The following GPATCH2L variants were observed in gnomAD, a reference collection of about 807,000 sequenced individuals.
GPATCH2L encodes G patch domain-containing protein 2-like.
GPATCH2L carries 31 observed loss-of-function variants against 57.4 expected under a neutral mutation model. That is an observed-to-expected ratio of 0.54 (90% CI 0.41 to 0.73). The LOEUF (loss-of-function observed/expected upper bound fraction) is 0.73. Among genes scored for constraint, GPATCH2L ranks in the 30% least tolerant of loss-of-function variants. The pLI, the probability that GPATCH2L is intolerant of heterozygous loss-of-function variation, is 0.00. For synonymous variants in GPATCH2L, 199 were observed against 210.7 expected (o/e 0.94, Z 0.48); for missense variants, 481 against 599.9 (o/e 0.80, Z 2.07).
intron 2 of GPATCH2L, among the ~76,000 whole-genome samples, chr14:76,160,001 G>T (rs1313752930): frequency 6.6e-6 from 1 of 152,130 alleles, no homozygotes; most frequent in Non-Finnish European, 1.5e-5. Context: ...TGGCGTGGTG[G>T]TGGACGCCTG....
chr14:76,151,945 G>A lies in GPATCH2L; in HGVS notation c.-57G>A, dbSNP rs918054723. On this transcript the variant is annotated 5_prime_UTR_variant, in exon 1 of 10. Transcript: ENST00000261530. ...TCAGAGAGGGAAGCCCCGGCGGTGAGAGTCGGCCCAAAAAGCGGCGGCCGT... is the reference window on the plus strand; with the variant it reads ...TCAGAGAGGGAAGCCCCGGCGGTGAAAGTCGGCCCAAAAAGCGGCGGCCGT... 2 of 154,048 alleles carry A rather than the reference G, an allele frequency of 1.3e-5. No individual in the cohort carries two copies. Among genetic ancestry groups the A allele is most frequent in the South Asian group, 2.0e-4 (1 of 4,882 alleles). The allele number at this position is 154,048 out of a possible 1,614,324, so 9.5% of individuals were successfully genotyped here.
In GPATCH2L at chr14:76,210,765, A is replaced by C. The variant is rs1248418757; in HGVS notation, c.*8914A>C. ...TAATGTTAGTGATAGACTGTTTTCA[A>C]CACCTTGGTAAACATTTCTTTTGAC... On this transcript the variant is annotated 3_prime_UTR_variant, in exon 10 of 10. Coordinates refer to ENST00000261530, the MANE Select transcript of GPATCH2L (RefSeq NM_017926.4). 1.3e-5 allele frequency: 2 copies of C among 152,190 alleles called. No individual in the cohort carries two copies. The highest frequency in any genetic ancestry group is 2.9e-5 in the Non-Finnish European group (2 of 68,036). 9.4% of individuals were successfully genotyped at this position (152,190 alleles called of 1,614,324 possible).
rs763500992 is a variant in GPATCH2L, at chr14:76,208,442, TCAG to T, written c.*6596_*6598del. 9.2e-5 allele frequency: 14 copies of T among 152,178 alleles called. No individual in the cohort carries two copies. Among genetic ancestry groups the T allele is most frequent in the Non-Finnish European group, 1.5e-4 (10 of 68,032 alleles). The allele number at this position is 152,178 out of a possible 1,614,324, so 9.4% of individuals were successfully genotyped here. On this transcript the variant is annotated 3_prime_UTR_variant, in exon 10 of 10. Coordinates refer to ENST00000261530, the MANE Select transcript of GPATCH2L (RefSeq NM_017926.4). ...ATTGATGTCAAACTCCCTCCTGTTG[TCAG>T]CAGCTTATTGCAAACTGGCCATTCT...
rs1220322453 is a variant in GPATCH2L at position 76,211,066 on chromosome 14, A to T, written c.*9215A>T. On this transcript the variant is annotated 3_prime_UTR_variant, in exon 10 of 10. Coordinates refer to ENST00000261530, the MANE Select transcript of GPATCH2L (RefSeq NM_017926.4). ...GGCAGTGGAAGAAGTAAAAAAAAAC[A>T]TTGAAAGAAATCCTGAAGGATAAGC... is the stretch of plus-strand genomic sequence containing the variant. 6.6e-6 allele frequency: 1 copy of T among 152,230 alleles called. No individual in the cohort carries two copies. The highest frequency in any genetic ancestry group is 1.5e-5 in the Non-Finnish European group (1 of 68,056). 9.4% of individuals were successfully genotyped at this position (152,230 alleles called of 1,614,324 possible).
chr14:76,183,268 A>T (rs926135373), intron 8 of GPATCH2L, among the ~76,000 whole-genome samples: 1 of 152,244 alleles, frequency 6.6e-6, no homozygotes, highest in East Asian at 1.9e-4. Context: ...TGCTTCTGGT[A>T]TGCTCAGCTC....
intron 2 of GPATCH2L, among the ~76,000 whole-genome samples, chr14:76,160,176 C>A (rs1226824927): frequency 4.6e-5 from 7 of 152,060 alleles, no homozygotes; most frequent in African/African-American, 1.7e-4. Context: ...GAATGATGCT[C>A]AATGGGAAGA....
rs539841068 is a variant in GPATCH2L at position 76,206,985 on chromosome 14, A to T, written c.*5134A>T. ...TGAAGAATTGACAAAGGATGCTATCAAGGGCTATGTTTAGGTGGATGGAAA... is the reference window on the plus strand; with the variant it reads ...TGAAGAATTGACAAAGGATGCTATCTAGGGCTATGTTTAGGTGGATGGAAA... On this transcript the variant is annotated 3_prime_UTR_variant, in exon 10 of 10. Transcript: ENST00000261530. The T allele has an allele frequency of 2.0e-5, 3 of 152,246 alleles. No individual in the cohort carries two copies. The South Asian group carries it at 6.2e-4, about 32-fold the overall frequency. The allele number at this position is 152,246 out of a possible 1,614,324, so 9.4% of individuals were successfully genotyped here.
chr14:76,180,292 AG>A (rs1264550101), intron 7 of GPATCH2L, among the ~76,000 whole-genome samples: 4 of 152,224 alleles, frequency 2.6e-5, no homozygotes, highest in Non-Finnish European at 4.4e-5. Flanking sequence ...TGGAACTAAA[AG>A]GTGTTCTGAT....
intron 9 of GPATCH2L, among the ~76,000 whole-genome samples, chr14:76,197,386 A>G (rs1178351192): frequency 1.3e-5 from 2 of 152,196 alleles, no homozygotes; most frequent in Non-Finnish European, 2.9e-5. Flanking sequence ...ACCACTGGAA[A>G]GAGTTTAAAA....
Position 76,212,900 on chromosome 14 carries a change from T to G in GPATCH2L, c.*11049T>G, listed in dbSNP as rs1177903758. 6.6e-6 allele frequency: 1 copy of G among 152,180 alleles called. No homozygotes were observed. Among genetic ancestry groups the G allele is most frequent in the Admixed American group, 6.5e-5 (1 of 15,274 alleles). 9.4% of individuals were successfully genotyped at this position (152,180 alleles called of 1,614,324 possible). ...TGCAATCCAAAATGTTTTTAAGCTCTTCAACTATTCTTGGGTTGATTAGGA... is the reference window on the plus strand; with the variant it reads ...TGCAATCCAAAATGTTTTTAAGCTCGTCAACTATTCTTGGGTTGATTAGGA... On this transcript the variant is annotated 3_prime_UTR_variant, in exon 10 of 10. Transcript: ENST00000261530.
At chr14:76,173,867 C>G (rs2139673505) in intron 5 of GPATCH2L, 1 of 501,550 alleles carries the variant, frequency 2.0e-6, no homozygotes. Flanking sequence ...ATTACAGTGT[C>G]TATTGCCTGT....
intron 8 of GPATCH2L, among the ~76,000 whole-genome samples, chr14:76,190,990 C>G (rs945933935): frequency 1.3e-5 from 2 of 152,122 alleles, no homozygotes; most frequent in African/African-American, 4.8e-5. Flanking sequence ...CTTCCCTTAA[C>G]GTATTACATG....
chr14:76,214,742 A>T (rs535120025), downstream of GPATCH2L, among the ~76,000 whole-genome samples: 112 of 152,314 alleles, frequency 7.4e-4, no homozygotes, highest in African/African-American at 2.3e-3. Flanking sequence ...TTTTCGGGGG[A>T]CACAAACATT....
chr14:76,165,195 T>A (rs949665136), intron 2 of GPATCH2L, among the ~76,000 whole-genome samples: 4 of 152,106 alleles, frequency 2.6e-5, no homozygotes, highest in Non-Finnish European at 5.9e-5. Flanking sequence ...AAAGAATCTA[T>A]AAAGAAATAG....
At chr14:76,226,427 G>A (rs1045503514) in intron 1 of GPATCH2L, among the ~76,000 whole-genome samples, 1 of 152,204 alleles carries the variant, frequency 6.6e-6, no homozygotes, top group Non-Finnish European at 1.5e-5. Flanking sequence ...AATCAGGATT[G>A]TGCTTGCTGT....
rs887360801 is a variant in GPATCH2L at position 76,212,640 on chromosome 14, A to G, written c.*10789A>G. 6.6e-5 allele frequency: 10 copies of G among 152,168 alleles called. No homozygotes were observed. The highest frequency in any genetic ancestry group is 1.2e-4 in the African/African-American group (5 of 41,450). 9.4% of individuals were successfully genotyped at this position (152,168 alleles called of 1,614,324 possible). A position where few individuals can be genotyped will look rare whatever the true frequency, so the allele number is the denominator to read the frequency against. ...GGATGATTTAAATAAGATACAGAAG[A>G]TCTAGTTGATGCATATTAGACTTTA... is the stretch of plus-strand genomic sequence containing the variant. On this transcript the variant is annotated 3_prime_UTR_variant, in exon 10 of 10. Coordinates refer to ENST00000261530, the MANE Select transcript of GPATCH2L (RefSeq NM_017926.4).
At chr14:76,158,268 G>GT (rs1479711009) in intron 2 of GPATCH2L, among the ~76,000 whole-genome samples, 1 of 152,206 alleles carries the variant, frequency 6.6e-6, no homozygotes, top group Non-Finnish European at 1.5e-5. Context: ...CAGAGATAGA[G>GT]TGCTAAACCT....
chr14:76,190,057 CTT>C (rs1053528246), intron 8 of GPATCH2L, among the ~76,000 whole-genome samples: 1 of 152,004 alleles, frequency 6.6e-6, no homozygotes, highest in African/African-American at 2.4e-5. Context: ...AACGCAGTCA[CTT>C]CAGTTATTTT....
intron 2 of GPATCH2L, among the ~76,000 whole-genome samples, chr14:76,157,365 T>G (rs1485338912): frequency 6.6e-6 from 1 of 152,232 alleles, no homozygotes; most frequent in Non-Finnish European, 1.5e-5. Flanking sequence ...TAAAAAGGGC[T>G]GGCATTAGAG....
Sources: gnomAD v4.1 joint callset for allele counts (sites outside exome capture counted in the v4.1 genomes callset) on GRCh38, gnomAD v4.1.1 for gene constraint, MANE v1.5 for transcripts, NCBI Gene and HGNC (gene_info 2026-07-23, HGNC 2026-07-21) for gene names.